FSD1L: variants seen among roughly 807,000 people sequenced by gnomAD.
FSD1L encodes FSD1-like protein.
In FSD1L, 45 loss-of-function variants were observed where a neutral mutation model predicts 71.6. The ratio of observed to expected loss-of-function variants is 0.63; its 90% CI spans 0.49 to 0.81. The LOEUF (loss-of-function observed/expected upper bound fraction) is 0.81, where lower values mean the gene tolerates loss of function less well. Ranked by LOEUF, FSD1L falls within the 30% of genes least tolerant of loss-of-function variation. FSD1L has a pLI of 0.00. For synonymous variants in FSD1L, 197 were observed against 207.2 expected (o/e 0.95, Z 0.42); for missense variants, 561 against 618.1 (o/e 0.91, Z 0.98).
chr9:105,513,606 G>A, intron 10 of FSD1L: 1 of 1,533,100 alleles, frequency 6.5e-7, no homozygotes. Context: ...CAGTGTCCAT[G>A]TTACTTCACT....
intron 5 of FSD1L, among the ~76,000 whole-genome samples, chr9:105,473,473 A>G (rs75245769): frequency 6.6e-6 from 1 of 152,180 alleles, no homozygotes; most frequent in Non-Finnish European, 1.5e-5. Flanking sequence ...TCCTCTATTC[A>G]AGATCATTTC....
intron 10 of FSD1L, chr9:105,526,194 T>G: frequency 6.3e-7 from 1 of 1,594,402 alleles, no homozygotes. Flanking sequence ...CAAGCCGTGC[T>G]CTGAAATCTC....
chr9:105,506,705 C>T, intron 8 of FSD1L, 97 bp downstream of exon 8: 2 of 892,692 alleles, frequency 2.2e-6, no homozygotes, highest in Non-Finnish European at 3.4e-6. Context: ...TTTAAAGTTT[C>T]TTTAGTCACA....
chr9:105,494,239 A>G (rs1203877058), intron 7 of FSD1L, among the ~76,000 whole-genome samples: 3 of 151,766 alleles, frequency 2.0e-5, no homozygotes, highest in African/African-American at 7.3e-5. Flanking sequence ...TTCTCGCTTC[A>G]TTTCATTCAT....
At chr9:105,489,094 T>C (rs2099743553) in intron 7 of FSD1L, among the ~76,000 whole-genome samples, 1 of 152,110 alleles carries the variant, frequency 6.6e-6, no homozygotes, top group Non-Finnish European at 1.5e-5. Context: ...CTGACTATTA[T>C]AAATAGACTC....
At position 105,484,507 on chromosome 9, in the gene FSD1L, A is replaced by G. The variant is rs929606266; in HGVS notation, c.586+5A>G. 57 of 1,504,206 alleles carry G rather than the reference A, an allele frequency of 3.8e-5. No homozygotes were observed. Among genetic ancestry groups the G allele is most frequent in the Non-Finnish European group, 4.5e-5 (51 of 1,128,594 alleles). The allele number at this position is 1,504,206 out of a possible 1,614,324, so 93.2% of individuals were successfully genotyped here. ...AAACTTTGAAGTTTTTGCCAGGTAA[A>G]TACATGTATTACATGTAAAGTTTTG... On this transcript the variant is annotated splice_donor_5th_base_variant and intron_variant, in intron 7 of 13. Transcript: ENST00000481272.
chr9:105,525,661 C>T (rs1192005444), intron 10 of FSD1L: 10 of 1,610,186 alleles, frequency 6.2e-6, no homozygotes, highest in Middle Eastern at 1.6e-4. Context: ...AAGGCAGTGC[C>T]GAGAGACACA....
chr9:105,539,022 G>A (rs781179997), intron 12 of FSD1L, among the ~76,000 whole-genome samples: 3 of 152,096 alleles, frequency 2.0e-5, no homozygotes, highest in Non-Finnish European at 2.9e-5. Context: ...TAAATAAGTC[G>A]AATCGTGCTA....
At chr9:105,530,125 AT>A (rs1314470637) in intron 10 of FSD1L, among the ~76,000 whole-genome samples, 1 of 152,208 alleles carries the variant, frequency 6.6e-6, no homozygotes, top group Non-Finnish European at 1.5e-5. Flanking sequence ...GTAAATGATG[AT>A]TTTTAAATAG....
Position 105,533,112 on chromosome 9 carries a change from A to C in FSD1L, c.1026-1381A>C, listed in dbSNP as rs138427729. Among the ~76,000 whole-genome samples the C allele has an allele frequency of 4.5e-3, 689 of 152,252 alleles. 8 individuals are homozygous for C. Among genetic ancestry groups the C allele is most frequent in the Middle Eastern group, 0.02 (6 of 294 alleles). ...GTTAGAAAAAAGTGTTTTTATTTCT[A>C]ACTAGTGGTGAGAATATAGTTATCC... On this transcript the variant is annotated intron_variant, in intron 10 of 13. Coordinates refer to ENST00000481272, the MANE Select transcript of FSD1L (RefSeq NM_001145313.3).
At chr9:105,495,598 A>G (rs924585695) in intron 7 of FSD1L, among the ~76,000 whole-genome samples, 1 of 152,284 alleles carries the variant, frequency 6.6e-6, no homozygotes, top group Admixed American at 6.5e-5. Context: ...TGCGTAGCTC[A>G]CGCTGGGAGC....
At chr9:105,521,917 C>T in intron 10 of FSD1L, 1 of 1,612,440 alleles carries the variant, frequency 6.2e-7, no homozygotes, top group East Asian at 2.2e-5. Context: ...GATGAACACA[C>T]AGATATGTGT....
chr9:105,464,150 A>C, intron 2 of FSD1L, 86 bp from the exon 3 acceptor site: 1 of 714,196 alleles, frequency 1.4e-6, no homozygotes, highest in Non-Finnish European at 2.4e-6. Flanking sequence ...ATACTCTTAC[A>C]TAAAGTTTGT....
At chr9:105,470,040 T>C (rs182989383) in intron 4 of FSD1L, among the ~76,000 whole-genome samples, 3,087 of 152,284 alleles carry the variant, frequency 0.02, 103 homozygotes, top group African/African-American at 0.07. Flanking sequence ...TGTTTGGCCT[T>C]AGTACCTATG....
intron 7 of FSD1L, among the ~76,000 whole-genome samples, chr9:105,488,434 A>G (rs1832697205): frequency 6.6e-6 from 1 of 152,190 alleles, no homozygotes; most frequent in Non-Finnish European, 1.5e-5. Flanking sequence ...ACTGAAACAC[A>G]TGTTGATTAC....
chr9:105,458,055 A>G (rs1385793310), intron 1 of FSD1L, among the ~76,000 whole-genome samples: 1 of 152,182 alleles, frequency 6.6e-6, no homozygotes, highest in African/African-American at 2.4e-5. Context: ...CAGCTTGGCC[A>G]GTGGGAGTGG....
At chr9:105,519,219 AGAGGTAC>A (rs1834949753) in intron 10 of FSD1L, among the ~76,000 whole-genome samples, 1 of 152,210 alleles carries the variant, frequency 6.6e-6, no homozygotes, top group Admixed American at 6.5e-5. Context: ...AAATTCTACC[AGAGGTAC>A]AAAGAGGAGC....
intron 6 of FSD1L, among the ~76,000 whole-genome samples, chr9:105,481,631 T>C (rs1372345216): frequency 6.6e-6 from 1 of 152,136 alleles, no homozygotes; most frequent in African/African-American, 2.4e-5. Context: ...AGCTTTATAA[T>C]GTTCAGGTTT....
intron 8 of FSD1L, 151 bp from the exon 9 acceptor site, chr9:105,508,466 T>C: frequency 1.9e-6 from 1 of 538,176 alleles, no homozygotes; most frequent in Non-Finnish European, 3.4e-6. Context: ...TGTGAGCCAC[T>C]GCGCCTGGCC....
Sources: gnomAD v4.1 joint callset for allele counts (sites outside exome capture counted in the v4.1 genomes callset) on GRCh38, gnomAD v4.1.1 for gene constraint, MANE v1.5 for transcripts, NCBI Gene and HGNC (gene_info 2026-07-23, HGNC 2026-07-21) for gene names.